The following HECW1 variants were observed in gnomAD, a reference collection of about 807,000 sequenced individuals.
The protein encoded by HECW1 is E3 ubiquitin-protein ligase HECW1.
In HECW1, 61 loss-of-function variants were observed where a neutral mutation model predicts 182.3. The ratio of observed to expected loss-of-function variants is 0.33; its 90% confidence interval spans 0.27 to 0.41. The LOEUF is 0.41. Ranked by LOEUF, HECW1 falls within the 10% of genes least tolerant of loss-of-function variation. The pLI is 1.00. For missense variants in HECW1, 1,739 were observed against 2,108.9 expected, an observed-to-expected ratio of 0.82 and a Z score of 3.44; for synonymous variants, 859 against 832.6, an observed-to-expected ratio of 1.03 and a Z score of -0.55.
chr7:43,320,927 A>T (rs1810035204), intron 5 of HECW1, among the ~76,000 whole-genome samples, 185 bp downstream of exon 5: 1 of 152,230 alleles, frequency 6.6e-6, no homozygotes, highest in African/African-American at 2.4e-5. Flanking sequence ...GCAGTTGGAT[A>T]AAAGCCAGCC....
chr7:43,169,223 A>G (rs750821847), intron 2 of HECW1, among the ~76,000 whole-genome samples: 1 of 152,158 alleles, frequency 6.6e-6, no homozygotes, highest in Non-Finnish European at 1.5e-5. Context: ...TTTTGATGAT[A>G]AGTTAGATGA....
intron 19 of HECW1, among the ~76,000 whole-genome samples, chr7:43,496,177 A>G (rs1290935026): frequency 6.6e-6 from 1 of 150,822 alleles, no homozygotes. Context: ...TTGGAATTGG[A>G]AAAAAAACTT....
chr7:43,320,555 C>G, intron 4 of HECW1, 80 bp from the exon 5 acceptor site: 3 of 965,870 alleles, frequency 3.1e-6, no homozygotes, highest in Non-Finnish European at 4.9e-6. Context: ...CATTTGTATC[C>G]TTTGCTTTTC....
At chr7:43,543,736 G>A (rs978329087) in intron 26 of HECW1, among the ~76,000 whole-genome samples, 4 of 144,880 alleles carry the variant, frequency 2.8e-5, no homozygotes, top group Non-Finnish European at 6.0e-5. Context: ...CCGAGATCAC[G>A]TCATTGCACT....
chr7:43,446,261 G>A (rs1333881807), intron 11 of HECW1, among the ~76,000 whole-genome samples: 1 of 152,146 alleles, frequency 6.6e-6, no homozygotes, highest in African/African-American at 2.4e-5. Flanking sequence ...TCCAAAAGCT[G>A]CCACCATTAG....
chr7:43,195,399 C>T (rs1431748312), intron 2 of HECW1, among the ~76,000 whole-genome samples: 4 of 152,196 alleles, frequency 2.6e-5, no homozygotes, highest in African/African-American at 4.8e-5. Flanking sequence ...GGGGGCCAGG[C>T]CCTGGGCAAG....
Position 43,354,801 on chromosome 7 carries a change from A to G in HECW1, c.461-6085A>G, listed in dbSNP as rs554880525. Among the ~76,000 whole-genome samples the G allele has an allele frequency of 3.3e-5, 5 of 152,318 alleles. No individual in the cohort carries two copies. The East Asian group carries it at 5.8e-4, about 18-fold the overall frequency. ...GAGAAAGAGGTATATATCCATCCAG[A>G]TACAGAAAGATCAGAGAACACCAAA... On this transcript the variant is annotated intron_variant, in intron 5 of 29. Transcript: ENST00000395891.
At chr7:43,469,191 G>A (rs2077913949) in intron 16 of HECW1, 86 bp downstream of exon 16, 3 of 1,388,044 alleles carry the variant, frequency 2.2e-6, no homozygotes, top group East Asian at 2.3e-5. Flanking sequence ...GGAGAGTGTG[G>A]GGAGGAGTTA....
At chr7:43,492,659 T>C (rs2078975424) in intron 18 of HECW1, among the ~76,000 whole-genome samples, 1 of 152,206 alleles carries the variant, frequency 6.6e-6, no homozygotes, top group Non-Finnish European at 1.5e-5. Flanking sequence ...AAATGGTATT[T>C]CCATTATCAC....
At chr7:43,384,516 G>A (rs2152829758) in intron 6 of HECW1, among the ~76,000 whole-genome samples, 1 of 152,168 alleles carries the variant, frequency 6.6e-6, no homozygotes, top group African/African-American at 2.4e-5. Flanking sequence ...GAAAAAAGAT[G>A]TTACATTAGC....
chr7:43,113,678 G>A (rs868254590), intron 1 of HECW1: 3 of 198,648 alleles, frequency 1.5e-5, no homozygotes, highest in African/African-American at 4.6e-5. Context: ...GGGAGGGGGG[G>A]GGAATGCGTC....
chr7:43,524,789 C>T (rs527905774), intron 24 of HECW1, among the ~76,000 whole-genome samples: 11 of 152,228 alleles, frequency 7.2e-5, no homozygotes, highest in African/African-American at 1.9e-4. Context: ...CTAGCTCTCC[C>T]GTGTGCTTGT....
intron 24 of HECW1, among the ~76,000 whole-genome samples, chr7:43,516,959 A>AGAAAT (rs2080181198): frequency 6.6e-6 from 1 of 152,236 alleles, no homozygotes; most frequent in African/African-American, 2.4e-5. Flanking sequence ...ATAGAAGATA[A>AGAAAT]GAAATGGTAC....
intron 5 of HECW1, among the ~76,000 whole-genome samples, chr7:43,333,365 A>C (rs1046095178): frequency 6.6e-6 from 1 of 152,208 alleles, no homozygotes; most frequent in African/African-American, 2.4e-5. Context: ...AAAAGGCAAC[A>C]CAGGATTTCA....
At chr7:43,474,561 A>G (rs541718331) in intron 16 of HECW1, among the ~76,000 whole-genome samples, 5 of 152,328 alleles carry the variant, frequency 3.3e-5, no homozygotes, top group Non-Finnish European at 7.3e-5. Flanking sequence ...TGAGCCAAAT[A>G]ATAACATTAT....
intron 21 of HECW1, among the ~76,000 whole-genome samples, chr7:43,506,582 C>G (rs1585120233): frequency 6.6e-6 from 1 of 152,036 alleles, no homozygotes; most frequent in Non-Finnish European, 1.5e-5. Context: ...TATGGAGATG[C>G]CAGAATGTGC....
chr7:43,167,125 TGGAAGCCAGAAGTCTC>T (rs934883371), intron 2 of HECW1, among the ~76,000 whole-genome samples: 3 of 152,222 alleles, frequency 2.0e-5, no homozygotes, highest in African/African-American at 7.2e-5. Flanking sequence ...CTCTCAGTTC[TGGAAGCCAGAAGTCTC>T]ATATTAGGTA....
intron 17 of HECW1, among the ~76,000 whole-genome samples, chr7:43,488,466 AAGAAAGAAAGAAAG>A (rs1585063924): frequency 1.3e-5 from 2 of 149,830 alleles, no homozygotes; most frequent in East Asian, 3.9e-4. Flanking sequence ...GAAAGAAAGA[AAGAAAGAAAGAAAG>A]AAAGAAAGAG....
intron 2 of HECW1, among the ~76,000 whole-genome samples, chr7:43,208,475 T>C (rs1195532347): frequency 6.6e-6 from 1 of 152,262 alleles, no homozygotes; most frequent in African/African-American, 2.4e-5. Context: ...GTCTTTCACC[T>C]GCTGCCTCTC....
Sources: gnomAD v4.1 joint callset for allele counts (sites outside exome capture counted in the v4.1 genomes callset) on GRCh38, gnomAD v4.1.1 for gene constraint, MANE v1.5 for transcripts, NCBI Gene and HGNC (gene_info 2026-07-23, HGNC 2026-07-21) for gene names.